RAB11FIP4: variants seen among roughly 807,000 people sequenced by gnomAD.
The protein encoded by RAB11FIP4 is RAB11 family interacting protein 4, also known as rab11 family-interacting protein 4.
Under a neutral mutation model 74.3 loss-of-function variants are expected in RAB11FIP4, and 23 were observed. The observed-to-expected ratio is 0.31, with a 90% CI of 0.22 to 0.44. RAB11FIP4 has a LOEUF of 0.44. Ranked by LOEUF, RAB11FIP4 falls within the 20% of genes least tolerant of loss-of-function variation. The pLI is 1.00. For missense variants in RAB11FIP4, 630 were observed against 863.9 expected, an observed-to-expected ratio of 0.73 and a Z score of 3.39; for synonymous variants, 360 against 359.9, an observed-to-expected ratio of 1.00 and a Z score of 0.00.
chr17:31,413,568 C>G (rs992612349), intron 1 of RAB11FIP4, among the ~76,000 whole-genome samples: 1 of 151,784 alleles, frequency 6.6e-6, no homozygotes, highest in African/African-American at 2.4e-5. Context: ...CTACCCTCTC[C>G]CTCCTCCCTC....
rs571194777 is a variant in RAB11FIP4 at position 31,489,531 on chromosome 17, A to C, written c.337-28120A>C. Among the ~76,000 whole-genome samples the C allele has an allele frequency of 2.6e-5, 4 of 152,188 alleles. No individual in the cohort carries two copies. The East Asian group carries it at 7.7e-4, about 29-fold the overall frequency. On this transcript the variant is annotated intron_variant, in intron 3 of 14. Transcript: ENST00000621161. ...GTGCTGGCACCCTGGCACTGGCCCA[A>C]ACCTTACCCTGCTTTCTGGCTTTCG... is the stretch of plus-strand genomic sequence containing the variant.
At chr17:31,519,281 T>C (rs1194218665) in intron 4 of RAB11FIP4, among the ~76,000 whole-genome samples, 1 of 152,176 alleles carries the variant, frequency 6.6e-6, no homozygotes, top group Non-Finnish European at 1.5e-5. Flanking sequence ...CCCAAAGTGC[T>C]GGGATTACAG....
At chr17:31,468,496 G>A (rs1035093727) in intron 3 of RAB11FIP4, among the ~76,000 whole-genome samples, 1 of 152,142 alleles carries the variant, frequency 6.6e-6, no homozygotes, top group African/African-American at 2.4e-5. Context: ...TGGGTTGTGT[G>A]GGGCCTGAAG....
chr17:31,502,028 A>C (rs1357168662), intron 3 of RAB11FIP4, among the ~76,000 whole-genome samples: 2 of 152,124 alleles, frequency 1.3e-5, no homozygotes, highest in African/African-American at 2.4e-5. Context: ...GTTTGAGACT[A>C]GCCTGGACAA....
chr17:31,431,373 G>T (rs762377170), intron 1 of RAB11FIP4, among the ~76,000 whole-genome samples: 14 of 152,202 alleles, frequency 9.2e-5, no homozygotes, highest in Non-Finnish European at 1.9e-4. Context: ...TCAGCCACCA[G>T]TGTCCATCTC....
rs143743705 is a variant in RAB11FIP4, at chr17:31,528,785, C to T, written c.1653+7C>T. 4.4e-6 allele frequency: 7 copies of T among 1,602,974 alleles called. No individual in the cohort carries two copies. The highest frequency in any genetic ancestry group is 6.0e-6 in the Non-Finnish European group (7 of 1,174,564). On this transcript the variant is annotated splice_region_variant and intron_variant, in intron 13 of 14. Coordinates refer to ENST00000621161, the MANE Select transcript of RAB11FIP4 (RefSeq NM_032932.6). The stretch of plus-strand genomic sequence containing the variant: ...GGTCAAGCGGCTCAAGCAGGTGGGT[C>T]TAGCAGTCTCTGTGTCCAGTGGGGC...
chr17:31,471,555 A>G (rs2071736981), intron 3 of RAB11FIP4, among the ~76,000 whole-genome samples: 1 of 152,216 alleles, frequency 6.6e-6, no homozygotes. Context: ...TAACAGGCTC[A>G]GCTGTCAAGC....
At chr17:31,505,471 A>AATTAT (rs2072304697) in intron 3 of RAB11FIP4, among the ~76,000 whole-genome samples, 1 of 74,054 alleles carries the variant, frequency 1.4e-5, no homozygotes, top group Non-Finnish European at 2.8e-5. Flanking sequence ...AACATATAAT[A>AATTAT]ATAATTATAA....
chr17:31,450,686 C>T (rs2071518071), intron 3 of RAB11FIP4, among the ~76,000 whole-genome samples: 1 of 152,046 alleles, frequency 6.6e-6, no homozygotes, highest in Non-Finnish European at 1.5e-5. Context: ...TGCCCACTCC[C>T]CAGGGGAGCT....
chr17:31,460,879 C>T (rs1307198114), intron 3 of RAB11FIP4, among the ~76,000 whole-genome samples: 1 of 152,110 alleles, frequency 6.6e-6, no homozygotes, highest in Non-Finnish European at 1.5e-5. Flanking sequence ...TGCAGGTGTG[C>T]ACCACCACGC....
At chr17:31,500,271 C>T (rs752395491) in intron 3 of RAB11FIP4, among the ~76,000 whole-genome samples, 2 of 151,978 alleles carry the variant, frequency 1.3e-5, no homozygotes, top group African/African-American at 4.8e-5. Context: ...TGTGGAGTGG[C>T]GGGGGTGGGG....
chr17:31,521,692 G>C (rs1263604108), intron 5 of RAB11FIP4, among the ~76,000 whole-genome samples: 1 of 152,122 alleles, frequency 6.6e-6, no homozygotes, highest in African/African-American at 2.4e-5. Context: ...TCTCTGAAAT[G>C]AGCTCGCAGT....
intron 3 of RAB11FIP4, among the ~76,000 whole-genome samples, chr17:31,462,930 C>G (rs2071647296): frequency 6.6e-6 from 1 of 152,166 alleles, no homozygotes; most frequent in Non-Finnish European, 1.5e-5. Flanking sequence ...GCCACCGCGC[C>G]CAGCCTCATA....
intron 1 of RAB11FIP4, among the ~76,000 whole-genome samples, chr17:31,402,079 G>T (rs1385060080): frequency 6.6e-6 from 1 of 151,804 alleles, no homozygotes; most frequent in Non-Finnish European, 1.5e-5. Flanking sequence ...CCAGTGAACC[G>T]CCCATCCAAC....
At chr17:31,496,594 T>G (rs1028164243) in intron 3 of RAB11FIP4, among the ~76,000 whole-genome samples, 1 of 152,226 alleles carries the variant, frequency 6.6e-6, no homozygotes, top group Non-Finnish European at 1.5e-5. Flanking sequence ...TTTTAGCAAT[T>G]TTCTTTCAAA....
intron 1 of RAB11FIP4, among the ~76,000 whole-genome samples, chr17:31,425,716 C>T (rs1001043697): frequency 6.6e-6 from 1 of 152,188 alleles, no homozygotes; most frequent in African/African-American, 2.4e-5. Flanking sequence ...AAGCTGGGGC[C>T]CAGCTGTGTG....
intron 3 of RAB11FIP4, among the ~76,000 whole-genome samples, chr17:31,435,880 G>A (rs1311826133): frequency 1.3e-5 from 2 of 152,262 alleles, no homozygotes; most frequent in African/African-American, 4.8e-5. Flanking sequence ...GAGCCCTCAG[G>A]GATGCGTGGA....
chr17:31,425,855 G>T (rs2071244151), intron 1 of RAB11FIP4, among the ~76,000 whole-genome samples: 1 of 152,156 alleles, frequency 6.6e-6, no homozygotes. Context: ...CAGGGTGGGG[G>T]CGGCCCCCAG....
intron 3 of RAB11FIP4, among the ~76,000 whole-genome samples, chr17:31,479,551 C>G (rs1002730476): frequency 6.6e-6 from 1 of 152,200 alleles, no homozygotes; most frequent in Admixed American, 6.5e-5. Flanking sequence ...GGGGACCTGA[C>G]AGGAGGCCAA....
Sources: gnomAD v4.1 joint callset for allele counts (sites outside exome capture counted in the v4.1 genomes callset) on GRCh38, gnomAD v4.1.1 for gene constraint, MANE v1.5 for transcripts, NCBI Gene and HGNC (gene_info 2026-07-23, HGNC 2026-07-21) for gene names.